The following KCNN1 variants were observed in gnomAD, a reference collection of about 807,000 sequenced individuals.
The protein encoded by KCNN1 is potassium calcium-activated channel subfamily N member 1.
A neutral mutation model predicts 44.7 loss-of-function variants in KCNN1; 20 were observed. The observed-to-expected ratio is 0.45, with a 90% CI of 0.32 to 0.65. The LOEUF (loss-of-function observed/expected upper bound fraction) is 0.65. Among genes scored for constraint, KCNN1 ranks in the 30% least tolerant of loss-of-function variants. The pLI, the probability that KCNN1 is intolerant of heterozygous loss-of-function variation, is 0.05. For missense variants in KCNN1, 632 were observed against 785.3 expected, an observed-to-expected ratio of 0.80 and a Z score of 2.33; for synonymous variants, 324 against 341.7, an observed-to-expected ratio of 0.95 and a Z score of 0.57.
intron 4 of KCNN1, 31 bp from the exon 5 acceptor site, chr19:17,985,281 G>A: frequency 6.4e-7 from 1 of 1,561,880 alleles, no homozygotes; most frequent in African/African-American, 1.3e-5. Context: ...TATAGACTGA[G>A]CCCTCCCTCT....
In KCNN1 at chr19:17,999,822, G is replaced by A. The variant is rs1349806007; in HGVS notation, c.*1416G>A. The A allele has an allele frequency of 2.8e-6, 1 of 361,404 alleles. No individual in the cohort carries two copies. Among genetic ancestry groups the A allele is most frequent in the African/African-American group, 2.1e-5 (1 of 47,206 alleles). The allele number at this position is 361,404 out of a possible 1,614,324, so 22.4% of individuals were successfully genotyped here. A position where few individuals can be genotyped will look rare whatever the true frequency, so the allele number is the denominator to read the frequency against. On this transcript the variant is annotated 3_prime_UTR_variant, in exon 10 of 10. Transcript: ENST00000684775. Reference sequence around the variant, plus strand: ...GGCCATCCATCGCCTGGCTCAACGAGATAACTAGGCCGTGGCTGGTGCATG... The same window carrying A: ...GGCCATCCATCGCCTGGCTCAACGAAATAACTAGGCCGTGGCTGGTGCATG...
At chr19:17,987,107 CTTTT>C (rs1314514359) in intron 5 of KCNN1, among the ~76,000 whole-genome samples, 1 of 150,448 alleles carries the variant, frequency 6.6e-6, no homozygotes, top group Admixed American at 6.6e-5. Flanking sequence ...CACGCTGGCC[CTTTT>C]TTTCTTTTTT....
At chr19:17,976,302 C>G (rs139603372) in intron 3 of KCNN1, among the ~76,000 whole-genome samples, 1 of 151,686 alleles carries the variant, frequency 6.6e-6, no homozygotes, top group Admixed American at 6.6e-5. Flanking sequence ...AGCAAGACTC[C>G]GTCTCAAAAA....
intron 3 of KCNN1, among the ~76,000 whole-genome samples, chr19:17,977,147 G>A (rs181196961): frequency 3.5e-4 from 53 of 152,222 alleles, no homozygotes; most frequent in African/African-American, 1.2e-3. Flanking sequence ...GAGACAATCC[G>A]TCCCAGGCCT....
At chr19:17,957,786 A>G (rs1170291172) in intron 2 of KCNN1, among the ~76,000 whole-genome samples, 1 of 152,084 alleles carries the variant, frequency 6.6e-6, no homozygotes, top group Non-Finnish European at 1.5e-5. Flanking sequence ...GGGGAGAGGC[A>G]TGGTCTCAGT....
At chr19:17,985,115 G>C (rs768192863) in intron 4 of KCNN1, among the ~76,000 whole-genome samples, 197 bp from the exon 5 acceptor site, 9 of 152,022 alleles carry the variant, frequency 5.9e-5, no homozygotes, top group Non-Finnish European at 1.0e-4. Flanking sequence ...GAAGCAGCTT[G>C]GGGGGGCAGG....
Position 17,975,886 on chromosome 19 carries a change from G to T in KCNN1, c.498+699G>T, listed in dbSNP as rs1348806936. On this transcript the variant is annotated intron_variant, in intron 3 of 9. Transcript: ENST00000684775. ...ACCACACCTGGCTAATTTTTGTATT[G>T]TCTTGTCAGTGTCTCGCCATATTGC... 2.0e-5 allele frequency among the ~76,000 whole-genome samples: 3 copies of T among 152,022 alleles called. No individual in the cohort carries two copies. The South Asian group carries it at 6.2e-4, about 32-fold the overall frequency.
Position 17,987,715 on chromosome 19 carries a change from T to A in KCNN1, c.1060-700T>A, listed in dbSNP as rs985178545. ...GTTGGCATCTAAACCTGCCTGGGGC[T>A]GGGCATGGTAATGGCTCATGCCTGT... On this transcript the variant is annotated intron_variant, in intron 5 of 9. Transcript: ENST00000684775. 2.0e-5 allele frequency among the ~76,000 whole-genome samples: 3 copies of A among 150,874 alleles called. No homozygotes were observed. In the East Asian group the frequency reaches 5.9e-4, roughly 30 times the overall value.
intron 3 of KCNN1, 42 bp from the exon 4 acceptor site, chr19:17,981,667 C>T (rs374746380): frequency 1.7e-5 from 26 of 1,526,840 alleles, no homozygotes; most frequent in Middle Eastern, 1.8e-4. Context: ...GAGCGCGGCG[C>T]GTGTCTGACA....
chr19:17,995,507 C>T (rs914474950), intron 9 of KCNN1, among the ~76,000 whole-genome samples: 2 of 151,946 alleles, frequency 1.3e-5, no homozygotes, highest in East Asian at 3.9e-4. Context: ...ATATTCTAGA[C>T]CCCTGAAGAT....
At chr19:17,989,101 T>C (rs2032700604) in intron 6 of KCNN1, among the ~76,000 whole-genome samples, 1 of 152,162 alleles carries the variant, frequency 6.6e-6, no homozygotes, top group Admixed American at 6.6e-5. Context: ...GACTGCTCTG[T>C]ACCTCAGCTT....
intron 6 of KCNN1, 131 bp from the exon 7 acceptor site, chr19:17,989,585 T>C: frequency 1.5e-6 from 2 of 1,309,080 alleles, no homozygotes; most frequent in South Asian, 1.2e-5. Flanking sequence ...AGCATGGCCC[T>C]GCCTTATAGC....
intron 1 of KCNN1, among the ~76,000 whole-genome samples, chr19:17,969,238 TTCCCC>T (rs1383910816): frequency 6.6e-6 from 1 of 152,092 alleles, no homozygotes; most frequent in Non-Finnish European, 1.5e-5. Flanking sequence ...ACCAGGCCAG[TTCCCC>T]TCCCAGAAAG....
At chr19:17,963,905 T>A (rs111581044), upstream of KCNN1, among the ~76,000 whole-genome samples, 5,959 of 152,112 alleles carry the variant, frequency 0.039, 402 homozygotes, top group African/African-American at 0.13. Context: ...TTTTAAAAAA[T>A]TTTTGTAGAG....
At chr19:17,973,220 C>T (rs1161147393) in intron 1 of KCNN1, among the ~76,000 whole-genome samples, 5 of 152,210 alleles carry the variant, frequency 3.3e-5, no homozygotes, top group African/African-American at 9.7e-5. Flanking sequence ...CCTCCAGTCT[C>T]AGCCTCTGAG....
chr19:17,980,510 A>G (rs912865633), intron 3 of KCNN1, among the ~76,000 whole-genome samples: 2 of 151,898 alleles, frequency 1.3e-5, no homozygotes, highest in African/African-American at 4.8e-5. Flanking sequence ...TAGTAACTCT[A>G]TGTTGAACTT....
chr19:17,969,553 C>T (rs2031938245), intron 1 of KCNN1, among the ~76,000 whole-genome samples: 1 of 152,210 alleles, frequency 6.6e-6, no homozygotes, highest in Admixed American at 6.5e-5. Flanking sequence ...TCCTCCTCCC[C>T]ACCCCCTCCC....
intron 1 of KCNN1, among the ~76,000 whole-genome samples, chr19:17,969,444 A>C (rs1351549425): frequency 6.6e-6 from 1 of 152,096 alleles, no homozygotes; most frequent in Non-Finnish European, 1.5e-5. Flanking sequence ...TCAGGCTCAA[A>C]GCATAGTAAG....
At chr19:17,966,608 C>G (rs1317626467), upstream of KCNN1, among the ~76,000 whole-genome samples, 1 of 152,106 alleles carries the variant, frequency 6.6e-6, no homozygotes, top group East Asian at 1.9e-4. Flanking sequence ...AGTGCCCCAG[C>G]ATGTACCCAG....
Sources: allele counts gnomAD v4.1 joint callset (sites outside exome capture counted in the v4.1 genomes callset), GRCh38; gene constraint gnomAD v4.1.1; transcripts MANE v1.5; gene names NCBI Gene and HGNC (gene_info 2026-07-23, HGNC 2026-07-21).